The following DMD variants were observed in gnomAD, a reference collection of about 807,000 sequenced individuals.
DMD encodes the protein mutant dystrophin.
In DMD, 63 loss-of-function variants were observed where a neutral mutation model predicts 330.1. The observed-to-expected ratio is 0.19, with a 90% CI of 0.16 to 0.24. The LOEUF (loss-of-function observed/expected upper bound fraction) is 0.24. Among genes scored for constraint, DMD ranks in the 10% least tolerant of loss-of-function variants. The pLI, the probability that DMD is intolerant of heterozygous loss-of-function variation, is 1.00. For missense variants in DMD, 3,344 were observed against 2,684.1 expected, an observed-to-expected ratio of 1.25 and a Z score of -5.43; for synonymous variants, 1,223 against 959.8, an observed-to-expected ratio of 1.27 and a Z score of -5.07.
chrX:33,036,461 C>A (rs1044853141), intron 1 of DMD, among the ~76,000 whole-genome samples: 2 of 110,021 alleles, frequency 1.8e-5, no homozygotes, highest in African/African-American at 6.6e-5. Context: ...TTTTTTGGAA[C>A]CTTGAAAAAT....
chrX:32,061,572 T>G (rs970557717), intron 44 of DMD, among the ~76,000 whole-genome samples: 11 of 111,532 alleles, frequency 9.9e-5, no homozygotes, highest in African/African-American at 3.3e-4. Flanking sequence ...GTAAATAATT[T>G]TTAGCACAGG....
At chrX:32,675,715 C>G (rs1042673556) in intron 9 of DMD, among the ~76,000 whole-genome samples, 9 of 111,500 alleles carry the variant, frequency 8.1e-5, no homozygotes, top group Non-Finnish European at 1.5e-4. Context: ...AGCTGCTTTT[C>G]ATGTGCATAA....
chrX:33,031,986 T>TTCCTG (rs2094123341), intron 1 of DMD, among the ~76,000 whole-genome samples: 1 of 112,086 alleles, frequency 8.9e-6, no homozygotes, highest in Non-Finnish European at 1.9e-5. Context: ...TTCCTGACTA[T>TTCCTG]ATATTTAATT....
intron 44 of DMD, among the ~76,000 whole-genome samples, chrX:32,096,818 C>G (rs184626349): frequency 9.0e-6 from 1 of 111,580 alleles, no homozygotes; most frequent in Non-Finnish European, 1.9e-5. Context: ...GCGGATTTTT[C>G]GGAGACTTTA....
At chrX:32,783,634 A>G (rs1451671461) in intron 7 of DMD, among the ~76,000 whole-genome samples, 2 of 110,464 alleles carry the variant, frequency 1.8e-5, no homozygotes, top group Non-Finnish European at 3.8e-5. Context: ...CACAAAGAAT[A>G]AAATGTAACA....
At chrX:32,752,049 G>A (rs1283253114) in intron 7 of DMD, among the ~76,000 whole-genome samples, 2 of 112,554 alleles carry the variant, frequency 1.8e-5, no homozygotes, top group Non-Finnish European at 3.8e-5. Context: ...CCCTCATGGA[G>A]AACCTCTGCT....
At chrX:32,524,177 G>A (rs1407362562) in intron 17 of DMD, among the ~76,000 whole-genome samples, 4 of 110,659 alleles carry the variant, frequency 3.6e-5, no homozygotes, top group African/African-American at 6.6e-5. Context: ...CTCTAGATCC[G>A]CCCGCCTCGG....
intron 1 of DMD, among the ~76,000 whole-genome samples, chrX:33,272,913 T>TA (rs1339587332): frequency 9.0e-6 from 1 of 110,741 alleles, no homozygotes; most frequent in Non-Finnish European, 1.9e-5. Flanking sequence ...TAAAATAATT[T>TA]AAAAAAAAAC....
intron 1 of DMD, among the ~76,000 whole-genome samples, chrX:33,093,120 C>T (rs753585980): frequency 3.6e-5 from 4 of 111,644 alleles, no homozygotes; most frequent in Non-Finnish European, 7.5e-5. Context: ...GGTGATCCAC[C>T]CGCCTCGGCC....
At position 32,187,868 on chromosome X, in the gene DMD, T is replaced by A. The variant is rs746486205; in HGVS notation, c.6438+29048A>T. On this transcript the variant is annotated intron_variant, in intron 44 of 78. Coordinates refer to ENST00000357033, the MANE Select transcript of DMD (RefSeq NM_004006.3). The stretch of plus-strand genomic sequence containing the variant: ...ACAAAGCACGAACACGGTATTTAAA[T>A]CCAAGTTTGCCACAAAATGTAAATG... Among the ~76,000 whole-genome samples the A allele has an allele frequency of 2.8e-3, 309 of 111,148 alleles. 1 individual carries two copies. Among genetic ancestry groups the A allele is most frequent in the Non-Finnish European group, 5.2e-3 (276 of 52,689 alleles).
chrX:32,384,472 A>T (rs1244592697), intron 33 of DMD, among the ~76,000 whole-genome samples: 1 of 111,143 alleles, frequency 9.0e-6, no homozygotes, highest in Non-Finnish European at 1.9e-5. Context: ...AGTGTTTCTT[A>T]TTTTGAAACA....
chrX:31,228,113 G>T (rs2046816270), intron 63 of DMD, among the ~76,000 whole-genome samples: 1 of 105,159 alleles, frequency 9.5e-6, no homozygotes, highest in Non-Finnish European at 1.9e-5. Flanking sequence ...GTGGTGGGGT[G>T]GGGGGAGTGG....
At chrX:32,792,034 A>G (rs2075858070) in intron 7 of DMD, among the ~76,000 whole-genome samples, 1 of 112,022 alleles carries the variant, frequency 8.9e-6, no homozygotes, top group Non-Finnish European at 1.9e-5. Context: ...TCAGATTAAC[A>G]GTGAATTTCT....
chrX:31,725,839 T>TA (rs1227987407), intron 52 of DMD, among the ~76,000 whole-genome samples: 1 of 112,544 alleles, frequency 8.9e-6, no homozygotes, highest in East Asian at 2.8e-4. Context: ...AACAGAATGA[T>TA]AAAAGGAAGC....
At chrX:31,279,202 C>T (rs1046732464) in intron 62 of DMD, among the ~76,000 whole-genome samples, 14 of 112,299 alleles carry the variant, frequency 1.2e-4, no homozygotes, top group African/African-American at 3.9e-4. Flanking sequence ...ATTATGGATG[C>T]TGTATGTCTA....
chrX:32,017,108 C>T (rs779969721), intron 44 of DMD, among the ~76,000 whole-genome samples: 4 of 111,951 alleles, frequency 3.6e-5, no homozygotes, highest in South Asian at 3.7e-4. Flanking sequence ...ATTCCATTTA[C>T]GGGCTTCTTC....
At chrX:32,411,222 C>T (rs929100775) in intron 30 of DMD, among the ~76,000 whole-genome samples, 3 of 111,425 alleles carry the variant, frequency 2.7e-5, no homozygotes, top group Non-Finnish European at 5.7e-5. Context: ...CCTCCGCCTC[C>T]CGTGTTCAAG....
At position 31,891,687 on chromosome X, in the gene DMD, G is replaced by A. The variant is rs191058878; in HGVS notation, c.6913-16314C>T. On this transcript the variant is annotated intron_variant, in intron 47 of 78. Transcript: ENST00000357033. ...AGGGCTGCTTTTGATCCACAATAGCGGTGTTAAGTAGTCGTGGCAGAGACC... is the reference window on the plus strand; with the variant it reads ...AGGGCTGCTTTTGATCCACAATAGCAGTGTTAAGTAGTCGTGGCAGAGACC... 3.1e-3 allele frequency among the ~76,000 whole-genome samples: 349 copies of A among 111,464 alleles called. 1 individual carries two copies. Among genetic ancestry groups the A allele is most frequent in the Non-Finnish European group, 5.7e-3 (304 of 53,005 alleles).
At chrX:32,986,012 T>C (rs992809745) in intron 2 of DMD, among the ~76,000 whole-genome samples, 1 of 111,426 alleles carries the variant, frequency 9.0e-6, no homozygotes, top group Non-Finnish European at 1.9e-5. Flanking sequence ...TTAAAATAAG[T>C]ATTATACTTA....
Sources: gnomAD v4.1 joint callset for allele counts (sites outside exome capture counted in the v4.1 genomes callset) on GRCh38, gnomAD v4.1.1 for gene constraint, MANE v1.5 for transcripts, NCBI Gene and HGNC (gene_info 2026-07-23, HGNC 2026-07-21) for gene names.